The following SMG6 variants were observed in gnomAD, a reference collection of about 807,000 sequenced individuals.
SMG6 encodes telomerase-binding protein EST1A.
In SMG6, 66 loss-of-function variants were observed where a neutral mutation model predicts 142.2. The observed-to-expected ratio is 0.46, with a 90% CI of 0.38 to 0.57. SMG6 has a LOEUF of 0.57. Among genes scored for constraint, SMG6 ranks in the 20% least tolerant of loss-of-function variants. The pLI is 0.00. For synonymous variants in SMG6, 779 were observed against 702.4 expected, an observed-to-expected ratio of 1.11 and a Z score of -1.72; for missense variants, 1,793 against 1,832.0, an observed-to-expected ratio of 0.98 and a Z score of 0.39.
chr17:2,236,812 C>T, intron 9 of SMG6, 175 bp from the exon 10 acceptor site: 1 of 1,302,092 alleles, frequency 7.7e-7, no homozygotes, highest in South Asian at 2.6e-5. Flanking sequence ...CGGTATCCTG[C>T]AATTTTGAAC....
intron 13 of SMG6, among the ~76,000 whole-genome samples, chr17:2,100,207 T>C (rs764451080): frequency 1.3e-5 from 2 of 152,116 alleles, no homozygotes; most frequent in Non-Finnish European, 2.9e-5. Flanking sequence ...CCAGCTAGTT[T>C]TTGTATTTTT....
chr17:2,067,906 A>G (rs992037336), intron 16 of SMG6, among the ~76,000 whole-genome samples: 1 of 152,206 alleles, frequency 6.6e-6, no homozygotes, highest in Non-Finnish European at 1.5e-5. Flanking sequence ...GCAGACTGCC[A>G]GTCTGGTGGC....
chr17:2,267,537 T>G (rs1371150592), intron 8 of SMG6, among the ~76,000 whole-genome samples: 1 of 151,962 alleles, frequency 6.6e-6, no homozygotes, highest in East Asian at 1.9e-4. Flanking sequence ...GCCAAAAAAT[T>G]AAGCTGGCTT....
chr17:2,298,131 C>A (rs2075184766), intron 2 of SMG6, 76 bp from the exon 3 acceptor site: 2 of 1,340,902 alleles, frequency 1.5e-6, no homozygotes, highest in Non-Finnish European at 2.0e-6. Context: ...GAGATTCCTG[C>A]AAATTAACCA....
rs1567764044 is a variant in SMG6, at chr17:2,299,916, G to GCGA, written c.834_836dup (p.Arg282dup). The GCGA allele has an allele frequency of 6.2e-7, 1 of 1,614,116 alleles. No homozygotes were observed. Among genetic ancestry groups the GCGA allele is most frequent in the Admixed American group, 1.7e-5 (1 of 60,010 alleles). On this transcript the variant is annotated inframe_insertion, in exon 2 of 19. Transcript: ENST00000263073. The surrounding 1 kb of genome is among the most constrained non-coding windows in gnomAD (Gnocchi z 4.3). Reference sequence around the variant, plus strand: ...CCTTGGTCCTATCCTGTCGGCGGCGGCGACATCCATTATCCGTCAGGCCAG... The same window carrying GCGA: ...CCTTGGTCCTATCCTGTCGGCGGCGGCGACGACATCCATTATCCGTCAGGCCAG...
At chr17:2,261,871 T>C (rs2074323417) in intron 8 of SMG6, among the ~76,000 whole-genome samples, 1 of 152,202 alleles carries the variant, frequency 6.6e-6, no homozygotes, top group African/African-American at 2.4e-5. Context: ...ATATGTCACT[T>C]GCAAGTATTT....
chr17:2,129,155 T>C (rs970909046), intron 13 of SMG6, among the ~76,000 whole-genome samples: 28 of 151,874 alleles, frequency 1.8e-4, no homozygotes, highest in Non-Finnish European at 2.9e-4. Flanking sequence ...CGAAACCCCA[T>C]CTTTATTAAA....
intron 8 of SMG6, among the ~76,000 whole-genome samples, chr17:2,255,403 C>A (rs1209217667): frequency 8.3e-4 from 61 of 73,570 alleles, no homozygotes; most frequent in East Asian, 5.0e-3. Flanking sequence ...GACTCCGTCT[C>A]AAAAAAAAAA....
At chr17:2,232,706 T>G (rs888640789) in intron 10 of SMG6, 1 of 152,078 alleles carries the variant, frequency 6.6e-6, no homozygotes, top group Non-Finnish European at 1.5e-5. Flanking sequence ...GATCAAGGTC[T>G]CTCCACCAAC....
intron 10 of SMG6, 57 bp downstream of exon 10, chr17:2,236,435 A>G (rs1271281839): frequency 2.6e-6 from 4 of 1,550,088 alleles, no homozygotes; most frequent in Admixed American, 1.8e-5. Flanking sequence ...ACAAGAAAGA[A>G]GCTACATTAA....
At chr17:2,078,525 C>T (rs186316812) in intron 15 of SMG6, among the ~76,000 whole-genome samples, 6 of 152,144 alleles carry the variant, frequency 3.9e-5, no homozygotes, top group Non-Finnish European at 7.4e-5. Flanking sequence ...GCACCCGCCA[C>T]AACACTCAGC....
chr17:2,151,337 T>C (rs1019193570), intron 13 of SMG6, among the ~76,000 whole-genome samples: 4 of 152,246 alleles, frequency 2.6e-5, no homozygotes, highest in Admixed American at 6.5e-5. Context: ...GATTTGTCTA[T>C]AGCAAAATCT....
chr17:2,091,823 A>T, intron 13 of SMG6, among the ~76,000 whole-genome samples: 1 of 147,048 alleles, frequency 6.8e-6, no homozygotes, highest in African/African-American at 2.5e-5. Context: ...GGCACCCGCC[A>T]CCACGCCCAG....
intron 2 of SMG6, among the ~76,000 whole-genome samples, chr17:2,298,289 G>T (rs1472043327): frequency 6.6e-6 from 1 of 152,132 alleles, no homozygotes; most frequent in East Asian, 1.9e-4. Flanking sequence ...TTTAACAACT[G>T]AAATAAGATC....
intron 9 of SMG6, among the ~76,000 whole-genome samples, chr17:2,240,821 C>T (rs147382404): frequency 1.3e-5 from 2 of 152,194 alleles, no homozygotes; most frequent in Non-Finnish European, 1.5e-5. Flanking sequence ...AAAGGGCAGG[C>T]GGGAGAGTGA....
intron 10 of SMG6, among the ~76,000 whole-genome samples, chr17:2,222,209 T>C (rs774453594): frequency 6.6e-6 from 1 of 151,916 alleles, no homozygotes; most frequent in Non-Finnish European, 1.5e-5. Flanking sequence ...ATAATAAACA[T>C]ATACACATTA....
At chr17:2,175,494 T>C (rs1401305543) in intron 12 of SMG6, among the ~76,000 whole-genome samples, 1 of 152,008 alleles carries the variant, frequency 6.6e-6, no homozygotes, top group Non-Finnish European at 1.5e-5. Context: ...GTGGTTCTCA[T>C]TACCATGCTC....
chr17:2,208,907 C>T (rs1386420168), intron 10 of SMG6, among the ~76,000 whole-genome samples: 2 of 152,122 alleles, frequency 1.3e-5, no homozygotes, highest in Non-Finnish European at 1.5e-5. Context: ...TGTCCAGGTG[C>T]GGTGGCTCAT....
At position 2,299,924 on chromosome 17, in the gene SMG6, C is replaced by T. The variant is rs1028488337; in HGVS notation, c.829G>A (p.Gly277Arg). The change falls in exon 2 of 19, where the codon GGA becomes AGA. Residue 277 changes from glycine to arginine, a missense_variant. Physicochemically the swap from Gly to Arg is moderately radical, Grantham distance 125. Around this residue, in one of 3 missense-constraint regions of SMG6, gnomAD observed 1,597 missense variants for 1,584.6 expected, o/e 1.01. Transcript: ENST00000263073. The surrounding 1 kb of genome is among the most constrained non-coding windows in gnomAD (Gnocchi z 4.3). ...SAEGAGLTDN[G>R]CRRRRQDRTK... Reference sequence around the variant, plus strand: ...CTATCCTGTCGGCGGCGGCGACATCCATTATCCGTCAGGCCAGCTCCCTCA... The same window carrying T: ...CTATCCTGTCGGCGGCGGCGACATCTATTATCCGTCAGGCCAGCTCCCTCA... The T allele has an allele frequency of 6.2e-7, 1 of 1,614,150 alleles. No individual in the cohort carries two copies. The highest frequency in any genetic ancestry group is 1.1e-5 in the South Asian group (1 of 91,080).
Sources: gnomAD v4.1 joint callset for allele counts (sites outside exome capture counted in the v4.1 genomes callset) on GRCh38, gnomAD v4.1.1 for gene constraint, gnomAD v4.1.1 regional missense constraint, Gnocchi (gnomAD v3.1) non-coding constraint, MANE v1.5 for transcripts, NCBI Gene and HGNC (gene_info 2026-07-23, HGNC 2026-07-21) for gene names.